The following ITPRID1 variants were observed in gnomAD, a reference collection of about 807,000 sequenced individuals.
ITPRID1 encodes ITPR interacting domain containing 1, also known as protein ITPRID1.
Under a neutral mutation model 95.4 loss-of-function variants are expected in ITPRID1, and 96 were observed. That is an observed-to-expected ratio of 1.01 (90% CI 0.85 to 1.19). The LOEUF is 1.19. Among genes scored for constraint, ITPRID1 ranks in the 50% most tolerant of loss-of-function variants. The probability of loss-of-function intolerance (pLI) is 0.00; values close to 1 mark genes in which losing one functional copy is unlikely to be tolerated. For missense variants in ITPRID1, 1,339 were observed against 1,252.9 expected (o/e 1.07, Z -1.04); for synonymous variants, 510 against 453.6 (o/e 1.12, Z -1.58).
chr7:31,579,204 C>T (rs559894765), intron 9 of ITPRID1, among the ~76,000 whole-genome samples: 2 of 151,992 alleles, frequency 1.3e-5, no homozygotes, highest in South Asian at 4.2e-4. Context: ...TCAAAAAATA[C>T]GTATACATGT....
At chr7:31,616,162 C>T (rs1447235397) in intron 10 of ITPRID1, among the ~76,000 whole-genome samples, 1 of 150,782 alleles carries the variant, frequency 6.6e-6, no homozygotes, top group Non-Finnish European at 1.5e-5. Context: ...GGAATTCTTA[C>T]AGTTTTCAAG....
intron 10 of ITPRID1, among the ~76,000 whole-genome samples, chr7:31,588,997 G>T (rs1259981392): frequency 6.6e-6 from 1 of 151,850 alleles, no homozygotes; most frequent in Non-Finnish European, 1.5e-5. Context: ...AAGAAAAATG[G>T]CAATTAATGA....
intron 1 of ITPRID1, among the ~76,000 whole-genome samples, chr7:31,519,616 C>CCA (rs1783163005): frequency 2.6e-5 from 1 of 38,478 alleles, no homozygotes; most frequent in Non-Finnish European, 4.9e-5. Context: ...CTCTCTCTCT[C>CCA]TCTCTATATA....
chr7:31,643,320 AC>A lies in ITPRID1; in HGVS notation c.1952del (p.Pro651LeufsTer27). The A allele has an allele frequency of 6.2e-7, 1 of 1,613,826 alleles. No homozygotes were observed. Among genetic ancestry groups the A allele is most frequent in the Non-Finnish European group, 8.5e-7 (1 of 1,179,840 alleles). Reference sequence around the variant, plus strand: ...GTATCCCCAAGCACAGTGAAATCACACCTTATGCAACTGACCTTGCTCAAAC... The same window carrying A: ...GTATCCCCAAGCACAGTGAAATCACACTTATGCAACTGACCTTGCTCAAAC... ...QCIPKHSEIT[P>X]YATDLAQTSE... On this transcript the variant is annotated frameshift_variant, in exon 12 of 15. Coordinates refer to ENST00000615280, the MANE Select transcript of ITPRID1 (RefSeq NM_001257967.3). LOFTEE classifies it high-confidence loss of function.
chr7:31,636,879 TC>T (rs1211029804), intron 10 of ITPRID1, among the ~76,000 whole-genome samples: 1 of 24,836 alleles, frequency 4.0e-5, no homozygotes, highest in African/African-American at 1.6e-4. Context: ...CCCTCCCCCC[TC>T]CCCCCTCCCC....
At chr7:31,562,170 T>C (rs996575461) in intron 5 of ITPRID1, among the ~76,000 whole-genome samples, 22 of 150,142 alleles carry the variant, frequency 1.5e-4, no homozygotes, top group African/African-American at 5.4e-4. Flanking sequence ...GTCATTACAA[T>C]GCCAGGATTA....
intron 1 of ITPRID1, among the ~76,000 whole-genome samples, chr7:31,524,698 A>G (rs762246855): frequency 9.9e-5 from 15 of 152,224 alleles, no homozygotes; most frequent in Non-Finnish European, 1.6e-4. Context: ...AATGCAGCCC[A>G]TAAGCTTTTT....
chr7:31,566,286 A>T (rs142468815), intron 5 of ITPRID1, among the ~76,000 whole-genome samples: 152 of 152,338 alleles, frequency 1.0e-3, no homozygotes, highest in Middle Eastern at 6.8e-3. Flanking sequence ...CCTCTCTGAC[A>T]GTTCGTGCAA....
intron 8 of ITPRID1, among the ~76,000 whole-genome samples, chr7:31,575,140 A>G (rs900761615): frequency 6.6e-6 from 1 of 152,200 alleles, no homozygotes; most frequent in Non-Finnish European, 1.5e-5. Flanking sequence ...AGTGGGTGGG[A>G]ATGTACAACC....
Position 31,583,210 on chromosome 7 carries a change from G to A in ITPRID1, c.1228+19G>A. 6.4e-7 allele frequency: 1 copy of A among 1,556,840 alleles called. No homozygotes were observed. ...ACTGTAGGTAAGAATTCATCAAGGT[G>A]TGTGATCTCATCAATGGTCTTTCAG... is the stretch of plus-strand genomic sequence containing the variant. On this transcript the variant is annotated intron_variant, in intron 10 of 14. Transcript: ENST00000615280.
chr7:31,619,904 A>G (rs921397555), intron 10 of ITPRID1, among the ~76,000 whole-genome samples: 5 of 152,174 alleles, frequency 3.3e-5, no homozygotes, highest in African/African-American at 1.2e-4. Context: ...ACTCCCACCC[A>G]AATACTGCGC....
intron 10 of ITPRID1, among the ~76,000 whole-genome samples, chr7:31,596,452 T>A (rs1202292434): frequency 2.6e-5 from 4 of 151,506 alleles, no homozygotes; most frequent in Non-Finnish European, 5.9e-5. Flanking sequence ...GGCAAAAATT[T>A]TTAAGTAAAC....
intron 10 of ITPRID1, among the ~76,000 whole-genome samples, chr7:31,632,153 T>C (rs1789061866): frequency 6.6e-6 from 1 of 152,228 alleles, no homozygotes; most frequent in Admixed American, 6.5e-5. Context: ...AAGATTAAAA[T>C]TATCCTTGAC....
intron 10 of ITPRID1, among the ~76,000 whole-genome samples, chr7:31,627,576 T>A (rs1788580278): frequency 6.9e-6 from 1 of 144,426 alleles, no homozygotes; most frequent in Admixed American, 7.4e-5. Context: ...GAGGATTGCT[T>A]GAGCCCAGGA....
rs532191460 is a variant in ITPRID1 at position 31,578,482 on chromosome 7, C to T, written c.1170+48C>T. The stretch of plus-strand genomic sequence containing the variant: ...AGCCTCCTAAGGGAAATAACCTTCA[C>T]TATGACACCCTTGTTTTCCAGCCCT... On this transcript the variant is annotated intron_variant, in intron 9 of 14. Coordinates refer to ENST00000615280, the MANE Select transcript of ITPRID1 (RefSeq NM_001257967.3). 17 of 1,373,290 alleles carry T rather than the reference C, an allele frequency of 1.2e-5. No homozygotes were observed. The South Asian group carries it at 2.1e-4, about 17-fold the overall frequency. 85.1% of individuals were successfully genotyped at this position (1,373,290 alleles called of 1,614,324 possible). A position where few individuals can be genotyped will look rare whatever the true frequency, so the allele number is the denominator to read the frequency against.
chr7:31,549,390 G>A, intron 1 of ITPRID1, 36 bp from the exon 2 acceptor site: 1 of 1,331,618 alleles, frequency 7.5e-7, no homozygotes, highest in Non-Finnish European at 9.7e-7. Context: ...TGAGACAAAT[G>A]ATTGCATTGA....
chr7:31,572,207 C>A lies in ITPRID1; in HGVS notation c.395+19C>A. The A allele has an allele frequency of 6.7e-7, 1 of 1,494,856 alleles. No individual in the cohort carries two copies. The highest frequency in any genetic ancestry group is 9.3e-7 in the Non-Finnish European group (1 of 1,077,736). 92.6% of individuals were successfully genotyped at this position (1,494,856 alleles called of 1,614,324 possible). ...CACAAAGGTATGTAATTTCCAGGTG[C>A]TTTTCATCCTGAGAAATCATTCTGT... is the stretch of plus-strand genomic sequence containing the variant. On this transcript the variant is annotated intron_variant, in intron 7 of 14. Transcript: ENST00000615280.
Position 31,642,754 on chromosome 7 carries a change from T to G in ITPRID1, c.1384T>G (p.Leu462Val). The G allele has an allele frequency of 6.2e-7, 1 of 1,613,996 alleles. No individual in the cohort carries two copies. Among genetic ancestry groups the G allele is most frequent in the South Asian group, 1.1e-5 (1 of 91,082 alleles). ...AAAGCCAAGAGATCAGAGCCACAGC[T>G]TAGTATCATCCCAGGACTGTCAGCT... ...GRKPRDQSHS[L>V]VSSQDCQLES... The change falls in exon 12 of 15, where the codon TTA becomes GTA. Residue 462 changes from leucine to valine, a missense_variant. Physicochemically the swap from Leu to Val is conservative, Grantham distance 32 (BLOSUM62 1). Transcript: ENST00000615280.
intron 10 of ITPRID1, among the ~76,000 whole-genome samples, chr7:31,636,038 A>G (rs1171319482): frequency 2.6e-5 from 4 of 152,192 alleles, no homozygotes; most frequent in African/African-American, 9.6e-5. Flanking sequence ...ACTTTTTCAC[A>G]GGGCAGCAGG....
Sources: allele counts gnomAD v4.1 joint callset (sites outside exome capture counted in the v4.1 genomes callset), GRCh38; gene constraint gnomAD v4.1.1; transcripts MANE v1.5; gene names NCBI Gene and HGNC (gene_info 2026-07-23, HGNC 2026-07-21).